FNDC3B: variants seen among roughly 807,000 people sequenced by gnomAD.
FNDC3B encodes fibronectin type III domain-containing protein 3B.
FNDC3B carries 12 observed loss-of-function variants against 151.5 expected under a neutral mutation model. That is an observed-to-expected ratio of 0.08 (90% CI 0.05 to 0.13). The LOEUF is 0.13. FNDC3B is among the 10% of genes least tolerant of loss of function. FNDC3B has a pLI of 1.00. For missense variants in FNDC3B, 1,214 were observed against 1,505.3 expected (o/e 0.81, Z 3.20); for synonymous variants, 528 against 549.0 (o/e 0.96, Z 0.54).
At position 172,346,330 on chromosome 3, in the gene FNDC3B, G is replaced by C. The variant is rs1733612120; in HGVS notation, c.2254G>C (p.Gly752Arg). 6.3e-7 allele frequency: 1 copy of C among 1,592,536 alleles called. No individual in the cohort carries two copies. Among genetic ancestry groups the C allele is most frequent in the Non-Finnish European group, 8.6e-7 (1 of 1,161,400 alleles). ...RVRALNDGGY[G>R]PYSDVSEITT... Reference sequence around the variant, plus strand: ...GTGTGCGTGTGTTTTCTTTCAGTATGGTCCCTATTCTGATGTCTCAGAAAT... The same window carrying C: ...GTGTGCGTGTGTTTTCTTTCAGTATCGTCCCTATTCTGATGTCTCAGAAAT... The change falls in exon 20 of 26, where the codon GGT becomes CGT. Residue 752 changes from glycine (G) to arginine (R), a missense_variant. Gly to Arg is a moderately radical substitution (Grantham distance 125). Coordinates refer to ENST00000415807, the MANE Select transcript of FNDC3B (RefSeq NM_022763.4).
chr3:172,280,577 G>A (rs1488073577), intron 6 of FNDC3B, among the ~76,000 whole-genome samples: 1 of 152,172 alleles, frequency 6.6e-6, no homozygotes. Flanking sequence ...ATAAGAACTA[G>A]ACAGAAGGTT....
At chr3:172,391,249 C>G (rs546571037) in intron 25 of FNDC3B, among the ~76,000 whole-genome samples, 1 of 152,200 alleles carries the variant, frequency 6.6e-6, no homozygotes, top group Non-Finnish European at 1.5e-5. Flanking sequence ...ATAAAGCAGA[C>G]ATACCCTCCA....
intron 9 of FNDC3B, 122 bp downstream of exon 9, chr3:172,298,909 G>A (rs2108227145): frequency 1.7e-6 from 1 of 592,356 alleles, no homozygotes; most frequent in South Asian, 2.8e-5. Flanking sequence ...TAGAACCATG[G>A]CTTATGGGCC....
chr3:172,097,922 C>A (rs1036210273), intron 1 of FNDC3B, among the ~76,000 whole-genome samples: 11 of 152,030 alleles, frequency 7.2e-5, no homozygotes, highest in Non-Finnish European at 1.5e-4. Flanking sequence ...TTATTATACC[C>A]AAATTGATAG....
At chr3:172,238,883 T>C (rs1576827586) in intron 4 of FNDC3B, among the ~76,000 whole-genome samples, 1 of 152,292 alleles carries the variant, frequency 6.6e-6, no homozygotes, top group Admixed American at 6.5e-5. Flanking sequence ...AAATCATGCT[T>C]ATTTAAAATA....
At chr3:172,237,770 T>C (rs910507099) in intron 4 of FNDC3B, among the ~76,000 whole-genome samples, 4 of 152,234 alleles carry the variant, frequency 2.6e-5, no homozygotes, top group African/African-American at 4.8e-5. Context: ...ACTTAATCAC[T>C]GGCAAGAACT....
At chr3:172,270,791 C>T (rs977461913) in intron 6 of FNDC3B, among the ~76,000 whole-genome samples, 1 of 152,128 alleles carries the variant, frequency 6.6e-6, no homozygotes, top group South Asian at 2.1e-4. Context: ...ATAGATAATA[C>T]GAATTGCTAA....
intron 3 of FNDC3B, among the ~76,000 whole-genome samples, chr3:172,207,073 C>A (rs1274793083): frequency 1.4e-5 from 2 of 141,720 alleles, no homozygotes; most frequent in Non-Finnish European, 3.2e-5. Flanking sequence ...ACAGAAGAGG[C>A]AATTTCACAC....
At chr3:172,229,523 C>T (rs1726780360) in intron 4 of FNDC3B, among the ~76,000 whole-genome samples, 1 of 152,124 alleles carries the variant, frequency 6.6e-6, no homozygotes, top group Non-Finnish European at 1.5e-5. Context: ...CTCAATGTGA[C>T]CCTTTTAGAA....
intron 13 of FNDC3B, 23 bp downstream of exon 13, chr3:172,330,738 TTC>T: frequency 6.3e-7 from 1 of 1,585,962 alleles, no homozygotes; most frequent in South Asian, 1.1e-5. Context: ...GATTTTATAC[TTC>T]TCTGTGTTTT....
chr3:172,250,617 A>G lies in FNDC3B; in HGVS notation c.509-643A>G, dbSNP rs574103906. Among the ~76,000 whole-genome samples, 19 of 152,314 alleles carry G rather than the reference A, an allele frequency of 1.2e-4. No homozygotes were observed. In the South Asian group the frequency reaches 3.9e-3, roughly 32 times the overall value. ...CATGTATTGCAACTACTGAAAACATATTGAAAGGTAAAAATCAAACTCAGT... is the reference window on the plus strand; with the variant it reads ...CATGTATTGCAACTACTGAAAACATGTTGAAAGGTAAAAATCAAACTCAGT... On this transcript the variant is annotated intron_variant, in intron 5 of 25. Coordinates refer to ENST00000415807, the MANE Select transcript of FNDC3B (RefSeq NM_022763.4).
At chr3:172,322,924 T>A (rs1732161604) in intron 11 of FNDC3B, among the ~76,000 whole-genome samples, 1 of 152,194 alleles carries the variant, frequency 6.6e-6, no homozygotes, top group African/African-American at 2.4e-5. Context: ...CCAAACAGAC[T>A]GTTTATCTCC....
At chr3:172,223,271 T>A (rs907786274) in intron 3 of FNDC3B, among the ~76,000 whole-genome samples, 1 of 152,238 alleles carries the variant, frequency 6.6e-6, no homozygotes, top group Non-Finnish European at 1.5e-5. Flanking sequence ...TTTTGCTAGC[T>A]TTTAAACTCC....
At chr3:172,129,203 C>A (rs914919292) in intron 2 of FNDC3B, among the ~76,000 whole-genome samples, 1 of 152,152 alleles carries the variant, frequency 6.6e-6, no homozygotes, top group African/African-American at 2.4e-5. Context: ...AACTCCTGGT[C>A]TCAAGTGATT....
chr3:172,133,672 CTT>C, intron 3 of FNDC3B, 126 bp downstream of exon 3: 1 of 764,558 alleles, frequency 1.3e-6, no homozygotes, highest in Non-Finnish European at 2.4e-6. Context: ...TATTCATTTT[CTT>C]TTTTTTTCTG....
intron 1 of FNDC3B, among the ~76,000 whole-genome samples, chr3:172,041,423 T>TC (rs1560378070): frequency 4.6e-5 from 2 of 43,530 alleles, no homozygotes; most frequent in Middle Eastern, 7.9e-3. Flanking sequence ...CCTTCCTTCC[T>TC]TCCTTCCTTC....
intron 2 of FNDC3B, among the ~76,000 whole-genome samples, chr3:172,125,443 C>T (rs1241146886): frequency 6.6e-6 from 1 of 151,996 alleles, no homozygotes; most frequent in Non-Finnish European, 1.5e-5. Flanking sequence ...ATGGTGGTGG[C>T]CAGAGAAGGG....
intron 9 of FNDC3B, among the ~76,000 whole-genome samples, chr3:172,306,750 A>G (rs1355569693): frequency 2.6e-5 from 4 of 152,234 alleles, no homozygotes; most frequent in Non-Finnish European, 5.9e-5. Flanking sequence ...AACATCTTTA[A>G]TCTTGGCTTC....
chr3:172,346,299 A>G, intron 19 of FNDC3B, 28 bp from the exon 20 acceptor site: 1 of 1,304,560 alleles, frequency 7.7e-7, no homozygotes, highest in Non-Finnish European at 1.1e-6. Flanking sequence ...ATATATACAT[A>G]CGTGTGTGTG....
Sources: allele counts gnomAD v4.1 joint callset (sites outside exome capture counted in the v4.1 genomes callset), GRCh38; gene constraint gnomAD v4.1.1; transcripts MANE v1.5; gene names NCBI Gene and HGNC (gene_info 2026-07-23, HGNC 2026-07-21).